Variants in KHDRBS2 observed in about 807,000 individuals in gnomAD.
KHDRBS2 encodes the protein KH RNA binding domain containing, signal transduction associated 2.
A neutral mutation model predicts 44.3 loss-of-function variants in KHDRBS2; 26 were observed. The ratio of observed to expected loss-of-function variants is 0.59; its 90% confidence interval spans 0.43 to 0.81. The LOEUF (loss-of-function observed/expected upper bound fraction) is 0.81, where lower values mean the gene tolerates loss of function less well. KHDRBS2 is among the 40% of genes least tolerant of loss of function. KHDRBS2 has a pLI of 0.00. For missense variants in KHDRBS2, 476 were observed against 433.1 expected (o/e 1.10, Z -0.88); for synonymous variants, 194 against 151.1 (o/e 1.28, Z -2.08).
the KHDRBS2 span, among the ~76,000 whole-genome samples, chr6:61,583,278 T>C: frequency 2.0e-5 from 3 of 151,844 alleles, no homozygotes; most frequent in Non-Finnish European, 3.0e-5. Flanking sequence ...CAAAATATTT[T>C]TGAGATTCAT....
At chr6:62,154,374 A>C (rs1232507978) in intron 2 of KHDRBS2, among the ~76,000 whole-genome samples, 2 of 152,198 alleles carry the variant, frequency 1.3e-5, no homozygotes, top group Non-Finnish European at 2.9e-5. Context: ...AAAAGGAAAC[A>C]AAATTCCCTA....
chr6:61,663,458 G>A, the KHDRBS2 span, among the ~76,000 whole-genome samples: 1 of 114,550 alleles, frequency 8.7e-6, no homozygotes, highest in African/African-American at 3.2e-5. Context: ...TGAAGATAAT[G>A]ACAAACATTA....
At position 61,931,058 on chromosome 6, in the gene KHDRBS2, A is replaced by G. The variant is rs867426270; in HGVS notation, c.484-29687T>C. ...TACATAATAATGTGAATCAACAAAA[A>G]ATTCAATCATATTACACATATACAA... On this transcript the variant is annotated intron_variant, in intron 4 of 8. Coordinates refer to ENST00000281156, the MANE Select transcript of KHDRBS2 (RefSeq NM_152688.4). Among the ~76,000 whole-genome samples, 6 of 152,178 alleles carry G rather than the reference A, an allele frequency of 3.9e-5. No individual in the cohort carries two copies. In the Middle Eastern group the frequency reaches 0.01, roughly 259 times the overall value.
intron 6 of KHDRBS2, among the ~76,000 whole-genome samples, chr6:61,887,703 A>C (rs1470506392): frequency 6.6e-6 from 1 of 152,246 alleles, no homozygotes; most frequent in Admixed American, 6.5e-5. Flanking sequence ...TTATAATAAA[A>C]GGAAGCTTTA....
At chr6:61,563,162 A>T in the KHDRBS2 span, among the ~76,000 whole-genome samples, 1 of 152,082 alleles carries the variant, frequency 6.6e-6, no homozygotes, top group Admixed American at 6.6e-5. Flanking sequence ...TCTGGTATCA[A>T]CACTAATAAG....
intron 2 of KHDRBS2, among the ~76,000 whole-genome samples, chr6:62,099,686 G>A (rs1287664229): frequency 6.6e-6 from 1 of 152,118 alleles, no homozygotes; most frequent in African/African-American, 2.4e-5. Flanking sequence ...AGCAAATGAT[G>A]TCTCTTTTCA....
chr6:61,879,984 A>G (rs1274989894), intron 6 of KHDRBS2, among the ~76,000 whole-genome samples: 5 of 152,030 alleles, frequency 3.3e-5, no homozygotes, highest in South Asian at 2.1e-4. Flanking sequence ...TTGTAGGAAA[A>G]TAAATCTGAT....
At chr6:62,169,662 C>T (rs915948779) in intron 2 of KHDRBS2, among the ~76,000 whole-genome samples, 3 of 152,036 alleles carry the variant, frequency 2.0e-5, no homozygotes, top group African/African-American at 7.2e-5. Context: ...GGGAGATTCA[C>T]ACTCTCTTGA....
At position 61,836,717 on chromosome 6, in the gene KHDRBS2, A is replaced by C. The variant is rs1036939869; in HGVS notation, c.810+57918T>G. On this transcript the variant is annotated intron_variant, in intron 6 of 8. Coordinates refer to ENST00000281156, the MANE Select transcript of KHDRBS2 (RefSeq NM_152688.4). ...GTGTCAATTGGCTAAAAGTAATAAC[A>C]CCATGGCTGTACTTAGTGTTACACC... Among the ~76,000 whole-genome samples, 15 of 151,992 alleles carry C rather than the reference A, an allele frequency of 9.9e-5. 1 individual carries two copies. Among genetic ancestry groups the C allele is most frequent in the Non-Finnish European group, 1.8e-4 (12 of 67,940 alleles).
At chr6:62,165,421 T>G (rs1284693542) in intron 2 of KHDRBS2, among the ~76,000 whole-genome samples, 3 of 151,370 alleles carry the variant, frequency 2.0e-5, no homozygotes, top group African/African-American at 4.8e-5. Flanking sequence ...TTCATATTGT[T>G]GTTAATATAT....
At chr6:61,995,957 G>A (rs1777084036) in intron 3 of KHDRBS2, among the ~76,000 whole-genome samples, 1 of 152,062 alleles carries the variant, frequency 6.6e-6, no homozygotes, top group Admixed American at 6.6e-5. Flanking sequence ...AAATACATTT[G>A]TCTAGACTTC....
At chr6:61,622,951 G>A in the KHDRBS2 span, among the ~76,000 whole-genome samples, 1 of 152,104 alleles carries the variant, frequency 6.6e-6, no homozygotes, top group Non-Finnish European at 1.5e-5. Context: ...CAATTTGGAG[G>A]TGTTTGATTG....
intron 1 of KHDRBS2, among the ~76,000 whole-genome samples, chr6:62,273,802 C>T (rs1448449858): frequency 1.3e-5 from 2 of 152,124 alleles, no homozygotes; most frequent in East Asian, 3.9e-4. Context: ...TCAGCATTAA[C>T]CTTCTTTTAA....
At chr6:61,568,995 T>C in the KHDRBS2 span, among the ~76,000 whole-genome samples, 2 of 32,392 alleles carry the variant, frequency 6.2e-5, no homozygotes, top group East Asian at 7.9e-4. Flanking sequence ...TATGGGGAAG[T>C]GTGAGGTCCA....
the KHDRBS2 span, among the ~76,000 whole-genome samples, chr6:61,598,693 G>T: frequency 2.6e-5 from 4 of 152,020 alleles, no homozygotes; most frequent in Non-Finnish European, 1.5e-5. Context: ...ATCTACTTAA[G>T]AATTTATTGT....
intron 2 of KHDRBS2, among the ~76,000 whole-genome samples, chr6:62,100,406 T>TTTATCATTTAA (rs1293235014): frequency 1.3e-5 from 2 of 152,190 alleles, no homozygotes; most frequent in East Asian, 3.8e-4. Flanking sequence ...GATAAAGACA[T>TTTATCATTTAA]AGTAGGTTGG....
chr6:61,662,037 T>G, the KHDRBS2 span, among the ~76,000 whole-genome samples: 8 of 152,174 alleles, frequency 5.3e-5, no homozygotes, highest in African/African-American at 1.7e-4. Flanking sequence ...ATGGTACTGG[T>G]ACCAAAACAG....
intron 2 of KHDRBS2, among the ~76,000 whole-genome samples, chr6:62,141,181 G>A (rs1812726285): frequency 6.6e-6 from 1 of 152,160 alleles, no homozygotes; most frequent in African/African-American, 2.4e-5. Flanking sequence ...CAGTGTAAAA[G>A]TGAAGATGTT....
At chr6:62,043,478 C>A (rs1786994653) in intron 3 of KHDRBS2, among the ~76,000 whole-genome samples, 1 of 152,052 alleles carries the variant, frequency 6.6e-6, no homozygotes, top group South Asian at 2.1e-4. Flanking sequence ...TTTTTCTTCT[C>A]ACAATTTAAA....
Sources: allele counts gnomAD v4.1 joint callset (sites outside exome capture counted in the v4.1 genomes callset), GRCh38; gene constraint gnomAD v4.1.1; transcripts MANE v1.5; gene names NCBI Gene and HGNC (gene_info 2026-07-23, HGNC 2026-07-21).